Variants in BMP5 observed in about 807,000 individuals in gnomAD.
BMP5 encodes the protein bone morphogenetic protein 5.
In BMP5, 23 loss-of-function variants were observed where a neutral mutation model predicts 46.6. The ratio of observed to expected loss-of-function variants is 0.49; its 90% CI spans 0.35 to 0.70. The LOEUF is 0.70. Ranked by LOEUF, BMP5 falls within the 30% of genes least tolerant of loss-of-function variation. The pLI is 0.00. For synonymous variants in BMP5, 204 were observed against 191.9 expected, an observed-to-expected ratio of 1.06 and a Z score of -0.52; for missense variants, 545 against 565.6, an observed-to-expected ratio of 0.96 and a Z score of 0.37.
intron 2 of BMP5, among the ~76,000 whole-genome samples, chr6:55,801,885 C>G (rs1370697475): frequency 6.6e-6 from 1 of 152,198 alleles, no homozygotes; most frequent in Non-Finnish European, 1.5e-5. Context: ...TGGGCTCATG[C>G]TTACGGAAGT....
intron 3 of BMP5, among the ~76,000 whole-genome samples, chr6:55,775,841 T>C (rs1006284757): frequency 6.6e-6 from 1 of 150,942 alleles, no homozygotes; most frequent in African/African-American, 2.4e-5. Context: ...CGTCAGAAAA[T>C]GAGACCGTGT....
intron 2 of BMP5, among the ~76,000 whole-genome samples, chr6:55,803,998 C>T (rs996458561): frequency 1.3e-5 from 2 of 152,156 alleles, no homozygotes; most frequent in African/African-American, 4.8e-5. Flanking sequence ...TTAACCAGGT[C>T]CCATGATTGC....
intron 4 of BMP5, among the ~76,000 whole-genome samples, chr6:55,768,651 G>A (rs1347969604): frequency 6.6e-6 from 1 of 151,910 alleles, no homozygotes. Flanking sequence ...ATGGATGTAG[G>A]CAGGGCCACT....
intron 2 of BMP5, among the ~76,000 whole-genome samples, chr6:55,795,574 A>C (rs941148120): frequency 1.3e-5 from 2 of 152,138 alleles, no homozygotes; most frequent in Non-Finnish European, 2.9e-5. Context: ...TTAATAAATC[A>C]TACTTTTTTA....
intron 1 of BMP5, among the ~76,000 whole-genome samples, chr6:55,837,369 A>AGATAGATAGATAGATAGATAGATAGATG (rs371467921): frequency 3.6e-4 from 53 of 149,076 alleles, no homozygotes; most frequent in African/African-American, 7.7e-4. Context: ...ATAGATAGAT[A>AGATAGATAGATAGATAGATAGATAGATG]GATAGATAGA....
Position 55,782,933 on chromosome 6 carries a change from T to C in BMP5, c.833-8690A>G, listed in dbSNP as rs150940467. ...TTGTCACACTACTAAAGTAGTATGC[T>C]TTTCCTCTAAGTACACAGTAGTCCA... On this transcript the variant is annotated intron_variant, in intron 3 of 6. Transcript: ENST00000370830. 2.0e-5 allele frequency among the ~76,000 whole-genome samples: 3 copies of C among 152,226 alleles called. No individual in the cohort carries two copies. In the East Asian group the frequency reaches 5.8e-4, roughly 30 times the overall value.
intron 3 of BMP5, among the ~76,000 whole-genome samples, chr6:55,794,059 C>G (rs913611782): frequency 6.6e-6 from 1 of 152,102 alleles, no homozygotes; most frequent in Non-Finnish European, 1.5e-5. Flanking sequence ...GCAGTACCTA[C>G]GTCTTCTTTA....
chr6:55,865,250 C>A (rs748875122), intron 1 of BMP5, among the ~76,000 whole-genome samples: 3 of 151,796 alleles, frequency 2.0e-5, no homozygotes, highest in Non-Finnish European at 2.9e-5. Flanking sequence ...TCAAAGGGTT[C>A]TTTATAGACT....
chr6:55,801,153 G>A (rs575858313), intron 2 of BMP5, among the ~76,000 whole-genome samples: 44 of 152,304 alleles, frequency 2.9e-4, no homozygotes, highest in African/African-American at 6.3e-4. Flanking sequence ...ACTGTGTATC[G>A]TTTGGGATTA....
intron 1 of BMP5, among the ~76,000 whole-genome samples, chr6:55,822,437 AC>A (rs1167584443): frequency 1.3e-5 from 2 of 152,044 alleles, no homozygotes; most frequent in African/African-American, 2.4e-5. Context: ...ACTGTCCCAG[AC>A]CCTGCTTGAC....
chr6:55,806,937 G>A (rs2181630), intron 2 of BMP5, among the ~76,000 whole-genome samples: 16,138 of 151,966 alleles, frequency 0.11, 985 homozygotes, highest in African/African-American at 0.15. Context: ...GAGACTTTTT[G>A]GAAGTTGCTT....
chr6:55,842,519 A>T (rs1051981123), intron 1 of BMP5, among the ~76,000 whole-genome samples: 1 of 152,088 alleles, frequency 6.6e-6, no homozygotes, highest in African/African-American at 2.4e-5. Context: ...CTTTATTTAT[A>T]GTGTCTTTCC....
chr6:55,756,721 T>C (rs1331811123), intron 6 of BMP5, among the ~76,000 whole-genome samples: 1 of 151,980 alleles, frequency 6.6e-6, no homozygotes, highest in Non-Finnish European at 1.5e-5. Context: ...TGACATGAAC[T>C]TGAAATTTCC....
intron 1 of BMP5, among the ~76,000 whole-genome samples, chr6:55,836,567 G>A (rs972234874): frequency 1.3e-5 from 2 of 151,334 alleles, no homozygotes; most frequent in African/African-American, 2.4e-5. Context: ...GACAATATCT[G>A]GGCTGTAAAG....
rs200811090 is a variant in BMP5 at position 55,811,832 on chromosome 6, GT to G, written c.683+7822del. 6.8e-3 allele frequency among the ~76,000 whole-genome samples: 1,035 copies of G among 152,184 alleles called. 12 individuals are homozygous for G. The highest frequency in any genetic ancestry group is 0.023 in the African/African-American group (975 of 41,538). On this transcript the variant is annotated intron_variant, in intron 2 of 6. Transcript: ENST00000370830. ...TCCCTAAGGTCCCTTACCCTTCCAAGTAAAAAATTAACTTTCTCTTCATTTC... is the reference window on the plus strand; with the variant it reads ...TCCCTAAGGTCCCTTACCCTTCCAAGAAAAAATTAACTTTCTCTTCATTTC...
intron 1 of BMP5, among the ~76,000 whole-genome samples, chr6:55,828,684 GAA>G (rs988700898): frequency 2.0e-5 from 3 of 151,404 alleles, no homozygotes; most frequent in African/African-American, 7.3e-5. Flanking sequence ...TATACTCAAT[GAA>G]AAAAACACTT....
Position 55,843,084 on chromosome 6 carries a change from TAAATA to T in BMP5, c.491-23242_491-23238del, listed in dbSNP as rs1777003124. Reference sequence around the variant, plus strand: ...TATGAAAACTTTACAGCAAAAAAAGTAAATAAAATAAAGCATTAAGATTTTTTCTA... The same window carrying T: ...TATGAAAACTTTACAGCAAAAAAAGTAAATAAAGCATTAAGATTTTTTCTA... On this transcript the variant is annotated intron_variant, in intron 1 of 6. Coordinates refer to ENST00000370830, the MANE Select transcript of BMP5 (RefSeq NM_021073.4). Among the ~76,000 whole-genome samples, 6 of 152,216 alleles carry T rather than the reference TAAATA, an allele frequency of 3.9e-5. 1 individual carries two copies. The South Asian group carries it at 1.2e-3, about 32-fold the overall frequency.
At chr6:55,773,321 G>C (rs141762899) in intron 4 of BMP5, among the ~76,000 whole-genome samples, 110 of 152,000 alleles carry the variant, frequency 7.2e-4, no homozygotes, top group Non-Finnish European at 1.4e-3. Context: ...ACAGCTTACT[G>C]TTTGCATCCT....
At chr6:55,839,431 C>T (rs1000989612) in intron 1 of BMP5, among the ~76,000 whole-genome samples, 38 of 152,076 alleles carry the variant, frequency 2.5e-4, no homozygotes, top group Non-Finnish European at 8.8e-5. Context: ...ATCCTCTCAC[C>T]TCAGCCTCCC....
Sources: allele counts gnomAD v4.1 joint callset (sites outside exome capture counted in the v4.1 genomes callset), GRCh38; gene constraint gnomAD v4.1.1; transcripts MANE v1.5; gene names NCBI Gene and HGNC (gene_info 2026-07-23, HGNC 2026-07-21).